Variants in PDE4D observed in about 807,000 individuals in gnomAD.
The protein encoded by PDE4D is phosphodiesterase 4D, also known as 3',5'-cyclic-AMP phosphodiesterase 4D.
Under a neutral mutation model 87.4 loss-of-function variants are expected in PDE4D, and 24 were observed. That is an observed-to-expected ratio of 0.27 (90% CI 0.20 to 0.39). The LOEUF (loss-of-function observed/expected upper bound fraction) is 0.39, where lower values mean the gene tolerates loss of function less well. Among genes scored for constraint, PDE4D ranks in the 10% least tolerant of loss-of-function variants. PDE4D has a pLI of 1.00. For missense variants in PDE4D, 714 were observed against 1,041.0 expected, an observed-to-expected ratio of 0.69 and a Z score of 4.32; for synonymous variants, 384 against 383.2, an observed-to-expected ratio of 1.00 and a Z score of -0.02.
At chr5:60,141,707 AT>A (rs1304352401) in intron 2 of PDE4D, among the ~76,000 whole-genome samples, 1 of 152,166 alleles carries the variant, frequency 6.6e-6, no homozygotes, top group Non-Finnish European at 1.5e-5. Flanking sequence ...GACCTAGGAC[AT>A]TGATATTATC....
intron 1 of PDE4D, among the ~76,000 whole-genome samples, chr5:59,305,197 G>A (rs1447669437): frequency 6.6e-6 from 1 of 151,952 alleles, no homozygotes; most frequent in Non-Finnish European, 1.5e-5. Context: ...GTTCATAGTA[G>A]CCTTGAATAT....
At chr5:59,123,545 T>A (rs1264828783) in intron 5 of PDE4D, among the ~76,000 whole-genome samples, 1 of 152,220 alleles carries the variant, frequency 6.6e-6, no homozygotes, top group Non-Finnish European at 1.5e-5. Flanking sequence ...TTTTAATACC[T>A]GTGACCCCTC....
At chr5:59,214,342 T>G (rs1750768542) in intron 2 of PDE4D, among the ~76,000 whole-genome samples, 1 of 152,186 alleles carries the variant, frequency 6.6e-6, no homozygotes, top group African/African-American at 2.4e-5. Context: ...TTTTCTTCTC[T>G]CTTGCCAGGT....
intron 5 of PDE4D, among the ~76,000 whole-genome samples, chr5:59,114,480 T>C (rs761983119): frequency 5.3e-5 from 8 of 152,182 alleles, no homozygotes; most frequent in Non-Finnish European, 8.8e-5. Flanking sequence ...AGTTGGGAAT[T>C]TCCAATAAAT....
At chr5:59,594,323 TA>T (rs1321406233) in intron 1 of PDE4D, among the ~76,000 whole-genome samples, 2 of 149,292 alleles carry the variant, frequency 1.3e-5, no homozygotes, top group African/African-American at 5.0e-5. Flanking sequence ...TTTATTTATT[TA>T]TTTATTTATT....
At chr5:59,801,101 G>A (rs1767075492) in intron 1 of PDE4D, among the ~76,000 whole-genome samples, 1 of 152,114 alleles carries the variant, frequency 6.6e-6, no homozygotes, top group South Asian at 2.1e-4. Flanking sequence ...TATACACGCA[G>A]CAAAAGAAAG....
At chr5:59,801,206 C>T (rs1158084700) in intron 1 of PDE4D, among the ~76,000 whole-genome samples, 1 of 152,074 alleles carries the variant, frequency 6.6e-6, no homozygotes, top group Non-Finnish European at 1.5e-5. Flanking sequence ...TCTAGGAATC[C>T]TATTGTGTTG....
intron 1 of PDE4D, among the ~76,000 whole-genome samples, chr5:59,886,810 G>A (rs1750224877): frequency 6.6e-6 from 1 of 152,048 alleles, no homozygotes; most frequent in Non-Finnish European, 1.5e-5. Flanking sequence ...AAGAAAGACC[G>A]ACTGGGCCAA....
intron 1 of PDE4D, among the ~76,000 whole-genome samples, chr5:59,337,993 T>C (rs1375977758): frequency 6.6e-6 from 1 of 152,184 alleles, no homozygotes; most frequent in Non-Finnish European, 1.5e-5. Flanking sequence ...AGAGGAATGT[T>C]GTGGAGAAAA....
chr5:60,045,644 C>T (rs1174436623), intron 2 of PDE4D, among the ~76,000 whole-genome samples: 3 of 152,126 alleles, frequency 2.0e-5, no homozygotes, highest in African/African-American at 7.2e-5. Flanking sequence ...GCTTGTTTTT[C>T]TCAGGTTTGA....
chr5:59,234,564 T>C (rs906998024), intron 1 of PDE4D, among the ~76,000 whole-genome samples: 2 of 152,220 alleles, frequency 1.3e-5, no homozygotes, highest in African/African-American at 2.4e-5. Flanking sequence ...AAATACTTAG[T>C]ACTATACTGT....
At chr5:59,687,740 G>A (rs1750141203) in intron 1 of PDE4D, among the ~76,000 whole-genome samples, 1 of 152,046 alleles carries the variant, frequency 6.6e-6, no homozygotes, top group South Asian at 2.1e-4. Context: ...AATGTAAATG[G>A]GCTAAATGCT....
At chr5:60,336,900 G>A (rs1008703355) in intron 1 of PDE4D, among the ~76,000 whole-genome samples, 2 of 152,074 alleles carry the variant, frequency 1.3e-5, no homozygotes, top group South Asian at 2.1e-4. Flanking sequence ...ATAAATACAT[G>A]TTATTTTAAT....
chr5:59,022,273 G>A (rs1299628324), intron 6 of PDE4D, among the ~76,000 whole-genome samples: 1 of 152,082 alleles, frequency 6.6e-6, no homozygotes, highest in Admixed American at 6.5e-5. Flanking sequence ...GGGCAGCAAC[G>A]GGCATTGGTC....
rs74667385 is a variant in PDE4D at position 59,221,301 on chromosome 5, T to G, written c.456-5333A>C. Among the ~76,000 whole-genome samples, 873 of 152,288 alleles carry G rather than the reference T, an allele frequency of 5.7e-3. 15 individuals are homozygous for G. In the East Asian group the frequency reaches 0.057, roughly 10 times the overall value. On this transcript the variant is annotated intron_variant, in intron 1 of 14. Transcript: ENST00000340635. ...TTTGAAAGTAACATTCTGATTAACT[T>G]ACAGGTGACGCATGCAAAGGCTAAT...
chr5:59,380,835 G>T, intron 1 of PDE4D, among the ~76,000 whole-genome samples: 1 of 151,930 alleles, frequency 6.6e-6, no homozygotes, highest in East Asian at 1.9e-4. Flanking sequence ...GCTAGGTAGG[G>T]GTTGGAAAAC....
chr5:59,575,277 A>G (rs1025098738), intron 1 of PDE4D, among the ~76,000 whole-genome samples: 12 of 152,212 alleles, frequency 7.9e-5, no homozygotes, highest in African/African-American at 2.9e-4. Flanking sequence ...TACTGTGATG[A>G]AAAGTAATTA....
intron 3 of PDE4D, among the ~76,000 whole-genome samples, chr5:59,927,406 C>G (rs1160367036): frequency 6.6e-6 from 1 of 152,132 alleles, no homozygotes; most frequent in African/African-American, 2.4e-5. Context: ...AGAATAAAAA[C>G]TGGTAACCAG....
chr5:60,129,629 C>CA (rs1779405226), intron 2 of PDE4D, among the ~76,000 whole-genome samples: 1 of 152,072 alleles, frequency 6.6e-6, no homozygotes, highest in African/African-American at 2.4e-5. Flanking sequence ...AAAACAACAA[C>CA]AAAAAATTTC....
Sources: allele counts gnomAD v4.1 joint callset (sites outside exome capture counted in the v4.1 genomes callset), GRCh38; gene constraint gnomAD v4.1.1; transcripts MANE v1.5; gene names NCBI Gene and HGNC (gene_info 2026-07-23, HGNC 2026-07-21).